PAPPA: variants seen among roughly 807,000 people sequenced by gnomAD.
PAPPA encodes pappalysin 1, also known as pappalysin-1.
In PAPPA, 60 loss-of-function variants were observed where a neutral mutation model predicts 164.0. The ratio of observed to expected loss-of-function variants is 0.37; its 90% confidence interval spans 0.30 to 0.45. PAPPA has a LOEUF of 0.45. Among genes scored for constraint, PAPPA ranks in the 20% least tolerant of loss-of-function variants. PAPPA has a pLI of 1.00. For missense variants in PAPPA, 1,782 were observed against 2,087.3 expected (o/e 0.85, Z 2.85); for synonymous variants, 875 against 814.1 (o/e 1.07, Z -1.27).
At chr9:116,184,476 C>T (rs1843946013) in intron 1 of PAPPA, among the ~76,000 whole-genome samples, 1 of 152,032 alleles carries the variant, frequency 6.6e-6, no homozygotes, top group Non-Finnish European at 1.5e-5. Context: ...CCCGTCATTT[C>T]CTCCCTCCTT....
intron 10 of PAPPA, among the ~76,000 whole-genome samples, chr9:116,314,658 G>A (rs916536219): frequency 6.6e-6 from 1 of 152,178 alleles, no homozygotes; most frequent in African/African-American, 2.4e-5. Context: ...TAAGGGGCAC[G>A]TTCCAGGCAG....
At chr9:116,310,084 A>G (rs898648622) in intron 10 of PAPPA, among the ~76,000 whole-genome samples, 1 of 152,188 alleles carries the variant, frequency 6.6e-6, no homozygotes, top group Non-Finnish European at 1.5e-5. Context: ...CTGCATTGAT[A>G]AGCAATTCTG....
At chr9:116,298,095 T>C (rs144807938) in intron 9 of PAPPA, among the ~76,000 whole-genome samples, 2 of 152,314 alleles carry the variant, frequency 1.3e-5, no homozygotes, top group South Asian at 2.1e-4. Context: ...GGTAAACTAA[T>C]ATCATTTTCC....
chr9:116,165,711 T>C (rs1843712748), intron 1 of PAPPA, among the ~76,000 whole-genome samples: 1 of 152,206 alleles, frequency 6.6e-6, no homozygotes, highest in Non-Finnish European at 1.5e-5. Flanking sequence ...CACCTGGTTC[T>C]TTAATTATCA....
intron 17 of PAPPA, among the ~76,000 whole-genome samples, chr9:116,354,288 T>C (rs77667119): frequency 0.047 from 7,082 of 152,230 alleles, 193 homozygotes; most frequent in Middle Eastern, 0.071. Flanking sequence ...TGAGAACAAG[T>C]CCAACACTCC....
At chr9:116,352,384 T>TGAGA (rs1386094488) in intron 15 of PAPPA, among the ~76,000 whole-genome samples, 1 of 152,118 alleles carries the variant, frequency 6.6e-6, no homozygotes, top group Non-Finnish European at 1.5e-5. Context: ...AGATGCCCAT[T>TGAGA]TGTAAAGTAA....
intron 19 of PAPPA, among the ~76,000 whole-genome samples, chr9:116,375,213 A>G (rs980031794): frequency 5.9e-5 from 9 of 152,254 alleles, no homozygotes; most frequent in African/African-American, 2.2e-4. Flanking sequence ...TCTGTCCCAT[A>G]TCATATCCCA....
chr9:116,344,988 G>A (rs1846188859), intron 14 of PAPPA, among the ~76,000 whole-genome samples: 1 of 152,158 alleles, frequency 6.6e-6, no homozygotes, highest in Admixed American at 6.5e-5. Flanking sequence ...CAAGACCATG[G>A]GGCTGAGTAT....
intron 9 of PAPPA, among the ~76,000 whole-genome samples, chr9:116,290,089 A>G (rs1845417559): frequency 6.6e-6 from 1 of 152,202 alleles, no homozygotes; most frequent in Non-Finnish European, 1.5e-5. Flanking sequence ...TTTAGTTTTC[A>G]CAGCATTATT....
intron 19 of PAPPA, among the ~76,000 whole-genome samples, chr9:116,374,146 A>ATGGTAGTGT (rs1846614371): frequency 1.1e-5 from 1 of 94,706 alleles, no homozygotes; most frequent in Non-Finnish European, 2.7e-5. Flanking sequence ...GGTGCAGATG[A>ATGGTAGTGT]TGGTGGTAGT....
At chr9:116,326,368 C>A (rs982416976) in intron 10 of PAPPA, among the ~76,000 whole-genome samples, 6 of 152,004 alleles carry the variant, frequency 3.9e-5, no homozygotes, top group African/African-American at 1.5e-4. Context: ...CCCCAGGGAC[C>A]AACTATTTTC....
chr9:116,254,781 C>CAA (rs143327103), intron 7 of PAPPA, among the ~76,000 whole-genome samples: 128 of 59,050 alleles, frequency 2.2e-3, no homozygotes, highest in African/African-American at 2.6e-3. Context: ...GACTCCGTCT[C>CAA]AAAAAAAAAA....
At chr9:116,251,934 G>A (rs534957869) in intron 7 of PAPPA, among the ~76,000 whole-genome samples, 15 of 152,258 alleles carry the variant, frequency 9.9e-5, no homozygotes, top group Admixed American at 1.3e-4. Flanking sequence ...CCCGGGATTC[G>A]AAGCTCTGGA....
At chr9:116,337,086 T>A (rs558411521) in intron 13 of PAPPA, among the ~76,000 whole-genome samples, 1 of 152,328 alleles carries the variant, frequency 6.6e-6, no homozygotes, top group African/African-American at 2.4e-5. Context: ...TCCTGCTTTG[T>A]CTGTCCCTGA....
intron 1 of PAPPA, among the ~76,000 whole-genome samples, chr9:116,164,719 A>G (rs1843702089): frequency 6.6e-6 from 1 of 152,206 alleles, no homozygotes; most frequent in Admixed American, 6.5e-5. Flanking sequence ...GAATGTGGCC[A>G]AATGCATTTA....
At position 116,323,934 on chromosome 9, in the gene PAPPA, G is replaced by A. The variant is rs559981159; in HGVS notation, c.3148-7310G>A. Among the ~76,000 whole-genome samples the A allele has an allele frequency of 2.0e-5, 3 of 152,264 alleles. No homozygotes were observed. In the South Asian group the frequency reaches 6.2e-4, roughly 32 times the overall value. On this transcript the variant is annotated intron_variant, in intron 10 of 21. Coordinates refer to ENST00000328252, the MANE Select transcript of PAPPA (RefSeq NM_002581.5). ...TGAGCAATTGAGTCAGTTCTAGGAGGCAGGTCCCTTGCCTGGCAATTGCAG... is the reference window on the plus strand; with the variant it reads ...TGAGCAATTGAGTCAGTTCTAGGAGACAGGTCCCTTGCCTGGCAATTGCAG...
intron 7 of PAPPA, among the ~76,000 whole-genome samples, chr9:116,251,607 T>C (rs1329432705): frequency 2.6e-5 from 4 of 152,208 alleles, no homozygotes; most frequent in Admixed American, 2.0e-4. Flanking sequence ...TTTCACACTC[T>C]GCAGCATGCC....
At chr9:116,369,561 C>T (rs1179541785) in intron 19 of PAPPA, among the ~76,000 whole-genome samples, 1 of 152,156 alleles carries the variant, frequency 6.6e-6, no homozygotes, top group Non-Finnish European at 1.5e-5. Context: ...ACAAAACAGA[C>T]ACAGGAGACC....
intron 6 of PAPPA, among the ~76,000 whole-genome samples, chr9:116,232,795 C>T (rs1215741568): frequency 6.6e-6 from 1 of 152,218 alleles, no homozygotes; most frequent in Non-Finnish European, 1.5e-5. Flanking sequence ...CAACCACAAG[C>T]TTTGCTAAGA....
Sources: gnomAD v4.1 joint callset for allele counts (sites outside exome capture counted in the v4.1 genomes callset) on GRCh38, gnomAD v4.1.1 for gene constraint, MANE v1.5 for transcripts, NCBI Gene and HGNC (gene_info 2026-07-23, HGNC 2026-07-21) for gene names.